CHCHD3: variants seen among roughly 807,000 people sequenced by gnomAD.
The protein encoded by CHCHD3 is coiled-coil-helix-coiled-coil-helix domain containing 3.
Under a neutral mutation model 38.2 loss-of-function variants are expected in CHCHD3, and 20 were observed. That is an observed-to-expected ratio of 0.52 (90% CI 0.37 to 0.76). The LOEUF (loss-of-function observed/expected upper bound fraction) is 0.76. CHCHD3 is among the 30% of genes least tolerant of loss of function. The pLI, the probability that CHCHD3 is intolerant of heterozygous loss-of-function variation, is 0.00. For synonymous variants in CHCHD3, 82 were observed against 100.0 expected (o/e 0.82, Z 1.07); for missense variants, 245 against 279.2 (o/e 0.88, Z 0.87).
intron 2 of CHCHD3, among the ~76,000 whole-genome samples, chr7:133,054,400 C>G (rs900412694): frequency 2.0e-5 from 3 of 152,106 alleles, no homozygotes; most frequent in African/African-American, 7.2e-5. Context: ...TTAATGAAGT[C>G]CCAAAGCACA....
At chr7:132,962,073 C>A (rs1419582970) in intron 4 of CHCHD3, among the ~76,000 whole-genome samples, 8 of 152,210 alleles carry the variant, frequency 5.3e-5, no homozygotes. Context: ...TTGACACTTT[C>A]AATTCAGTGA....
chr7:132,972,899 T>C, intron 4 of CHCHD3: 1 of 985,430 alleles, frequency 1.0e-6, no homozygotes, highest in Non-Finnish European at 1.2e-6. Flanking sequence ...CTTCACCAGC[T>C]ACACAAAGCA....
rs142622286 is a variant in CHCHD3, at chr7:133,034,667, G to A, written c.170-10040C>T. Reference sequence around the variant, plus strand: ...CCACATGCTGGAAGGCCCCCTCCCAGGAAAAGTACTCTCGAACCAGCGTCT... The same window carrying A: ...CCACATGCTGGAAGGCCCCCTCCCAAGAAAAGTACTCTCGAACCAGCGTCT... On this transcript the variant is annotated intron_variant, in intron 2 of 7. Coordinates refer to ENST00000262570, the MANE Select transcript of CHCHD3 (RefSeq NM_017812.4). 3,116 of 1,613,118 alleles carry A rather than the reference G, an allele frequency of 1.9e-3. 52 individuals carry two copies. The African/African-American group carries it at 0.037, about 19-fold the overall frequency.
chr7:132,892,308 G>T (rs906038058), intron 4 of CHCHD3, among the ~76,000 whole-genome samples: 1 of 152,236 alleles, frequency 6.6e-6, no homozygotes, highest in African/African-American at 2.4e-5. Flanking sequence ...GGGAACTGGA[G>T]CAAAGGTGAC....
rs138794960 is a variant in CHCHD3 at position 132,886,335 on chromosome 7, G to A, written c.370-590C>T. Among the ~76,000 whole-genome samples the A allele has an allele frequency of 6.6e-3, 1,000 of 151,870 alleles. 11 individuals carry two copies. Among genetic ancestry groups the A allele is most frequent in the African/African-American group, 0.022 (928 of 41,480 alleles). On this transcript the variant is annotated intron_variant, in intron 4 of 7. Transcript: ENST00000262570. Reference sequence around the variant, plus strand: ...TTTAAAAGTAATTTTAAAAGCTTTAGTTATTGTACTTTCAATTTACAAGAT... The same window carrying A: ...TTTAAAAGTAATTTTAAAAGCTTTAATTATTGTACTTTCAATTTACAAGAT...
intron 4 of CHCHD3, among the ~76,000 whole-genome samples, chr7:132,915,955 ATT>A (rs10708335): frequency 6.9e-5 from 10 of 145,038 alleles, no homozygotes; most frequent in African/African-American, 1.3e-4. Flanking sequence ...TAATAAAAAA[ATT>A]TTTTTTTTTT....
At chr7:132,895,395 C>A (rs189339008) in intron 4 of CHCHD3, among the ~76,000 whole-genome samples, 3 of 152,242 alleles carry the variant, frequency 2.0e-5, no homozygotes, top group Non-Finnish European at 4.4e-5. Flanking sequence ...GCAGCACTAC[C>A]CCCTACTCTG....
chr7:133,029,457 T>TA (rs1183999979), intron 2 of CHCHD3, among the ~76,000 whole-genome samples: 54 of 152,210 alleles, frequency 3.5e-4, no homozygotes, highest in Non-Finnish European at 6.8e-4. Context: ...AGCTCAACTT[T>TA]TTTAGATTCC....
intron 3 of CHCHD3, among the ~76,000 whole-genome samples, chr7:133,020,275 C>G (rs1040183281): frequency 1.3e-5 from 2 of 152,124 alleles, no homozygotes; most frequent in Non-Finnish European, 2.9e-5. Context: ...TAATTAGCAA[C>G]TGTATTGTCA....
intron 4 of CHCHD3, among the ~76,000 whole-genome samples, chr7:132,897,370 T>C (rs1257233843): frequency 1.3e-5 from 2 of 148,652 alleles, no homozygotes; most frequent in African/African-American, 4.9e-5. Flanking sequence ...CTTGTATTTG[T>C]TCAATTTAAA....
chr7:132,819,921 GAAAAGATGGC>G (rs1423397583), intron 6 of CHCHD3, among the ~76,000 whole-genome samples: 1 of 152,162 alleles, frequency 6.6e-6, no homozygotes, highest in African/African-American at 2.4e-5. Context: ...AAGTGCATGA[GAAAAGATGGC>G]AAAAGATCAG....
intron 5 of CHCHD3, among the ~76,000 whole-genome samples, chr7:132,840,686 C>A (rs1197490167): frequency 2.0e-5 from 3 of 152,144 alleles, no homozygotes; most frequent in Admixed American, 6.5e-5. Context: ...ATCAACATCT[C>A]AATAAAATAA....
chr7:132,944,857 T>C (rs1810858505), intron 4 of CHCHD3, among the ~76,000 whole-genome samples: 1 of 152,060 alleles, frequency 6.6e-6, no homozygotes, highest in Admixed American at 6.6e-5. Context: ...AATATAACTG[T>C]CAATATGTTA....
At chr7:132,851,800 G>A (rs950905660) in intron 5 of CHCHD3, among the ~76,000 whole-genome samples, 4 of 152,184 alleles carry the variant, frequency 2.6e-5, no homozygotes, top group African/African-American at 7.2e-5. Context: ...GTGATGCCAC[G>A]TGCACATTTA....
intron 1 of CHCHD3, among the ~76,000 whole-genome samples, chr7:133,073,952 T>C (rs182339128): frequency 1.2e-3 from 179 of 152,290 alleles, no homozygotes; most frequent in African/African-American, 4.1e-3. Context: ...TCCTGTACCA[T>C]TGGGAGGGAG....
intron 4 of CHCHD3, among the ~76,000 whole-genome samples, chr7:132,962,390 G>A (rs924716465): frequency 6.6e-6 from 1 of 152,168 alleles, no homozygotes; most frequent in African/African-American, 2.4e-5. Context: ...AGACTTGAAA[G>A]AGAACTACAT....
chr7:132,814,563 T>C (rs1337171298), intron 6 of CHCHD3, among the ~76,000 whole-genome samples: 2 of 152,208 alleles, frequency 1.3e-5, no homozygotes. Context: ...AAATGCACCA[T>C]GGCTGAATGC....
intron 5 of CHCHD3, among the ~76,000 whole-genome samples, chr7:132,867,553 T>C (rs1808664151): frequency 6.6e-6 from 1 of 152,190 alleles, no homozygotes; most frequent in African/African-American, 2.4e-5. Flanking sequence ...TGCTGATTGT[T>C]GATTGAAATC....
intron 1 of CHCHD3, among the ~76,000 whole-genome samples, chr7:133,072,648 G>C (rs986462246): frequency 2.6e-5 from 4 of 152,088 alleles, no homozygotes; most frequent in African/African-American, 9.6e-5. Context: ...GACCATCCTG[G>C]CTAACATGGT....
Sources: allele counts gnomAD v4.1 joint callset (sites outside exome capture counted in the v4.1 genomes callset), GRCh38; gene constraint gnomAD v4.1.1; transcripts MANE v1.5; gene names NCBI Gene and HGNC (gene_info 2026-07-23, HGNC 2026-07-21).